TM9SF4: variants seen among roughly 807,000 people sequenced by gnomAD.
The protein encoded by TM9SF4 is transmembrane 9 superfamily member 4, also known as dinucleotide oxidase disulfide thiol exchanger 3 superfamily member 4.
Under a neutral mutation model 90.4 loss-of-function variants are expected in TM9SF4, and 26 were observed. The observed-to-expected ratio is 0.29, with a 90% CI of 0.21 to 0.40. The LOEUF is 0.40. Among genes scored for constraint, TM9SF4 ranks in the 10% least tolerant of loss-of-function variants. TM9SF4 has a pLI of 1.00. For missense variants in TM9SF4, 549 were observed against 834.8 expected, an observed-to-expected ratio of 0.66 and a Z score of 4.22; for synonymous variants, 293 against 315.4, an observed-to-expected ratio of 0.93 and a Z score of 0.75.
In TM9SF4 at chr20:32,141,595, C is replaced by G; in HGVS notation, c.328C>G (p.Pro110Ala). The G allele has an allele frequency of 6.2e-7, 1 of 1,614,166 alleles. No individual in the cohort carries two copies. The highest frequency in any genetic ancestry group is 8.5e-7 in the Non-Finnish European group (1 of 1,180,028). Residue 110 changes from proline to alanine, a missense_variant, in exon 4 of 18, where the codon CCA becomes GCA. Transcript: ENST00000398022. ...CEVLCSQSNKPVTLTVEQSRL... is the reference protein window; with the variant it reads ...CEVLCSQSNKAVTLTVEQSRL... ...AGTTCTGTGCAGCCAGTCCAACAAG[C>G]CAGTGACCCTGACAGTGGAGCAGAG... is the stretch of plus-strand genomic sequence containing the variant.
chr20:32,114,011 A>G (rs1057237480), intron 1 of TM9SF4, among the ~76,000 whole-genome samples: 2 of 152,232 alleles, frequency 1.3e-5, no homozygotes, highest in Non-Finnish European at 2.9e-5. Flanking sequence ...TTATGGCTGA[A>G]TCTTCCCTTG....
intron 3 of TM9SF4, among the ~76,000 whole-genome samples, chr20:32,139,384 C>A (rs1381446159): frequency 2.0e-5 from 3 of 152,226 alleles, no homozygotes; most frequent in African/African-American, 4.8e-5. Context: ...ACCTCAGAGT[C>A]TTCCTAATAT....
chr20:32,163,811 A>C (rs2047062603), intron 17 of TM9SF4, among the ~76,000 whole-genome samples: 1 of 151,790 alleles, frequency 6.6e-6, no homozygotes, highest in Admixed American at 6.6e-5. Flanking sequence ...GGGTTTCTCC[A>C]TGTTGGCCAG....
At chr20:32,156,796 A>G (rs2046928689) in intron 13 of TM9SF4, among the ~76,000 whole-genome samples, 1 of 152,004 alleles carries the variant, frequency 6.6e-6, no homozygotes, top group Non-Finnish European at 1.5e-5. Context: ...TTGTAGAGAT[A>G]CAGTCTCACT....
chr20:32,124,157 C>G (rs1251131431), intron 1 of TM9SF4, among the ~76,000 whole-genome samples: 1 of 152,082 alleles, frequency 6.6e-6, no homozygotes, highest in Non-Finnish European at 1.5e-5. Context: ...CATGCCTGGC[C>G]TGGGTAGGTC....
intron 1 of TM9SF4, among the ~76,000 whole-genome samples, chr20:32,131,267 A>G (rs1321129906): frequency 6.6e-6 from 1 of 152,226 alleles, no homozygotes. Context: ...ATCGGAGGAA[A>G]AACTCCATGA....
chr20:32,133,160 G>A (rs1156738385), intron 2 of TM9SF4, 34 bp downstream of exon 2: 1 of 1,599,976 alleles, frequency 6.3e-7, no homozygotes, highest in Admixed American at 1.7e-5. Context: ...GAGCCTCTGT[G>A]CTAGGCAGTG....
chr20:32,114,797 G>A (rs1265457009), intron 1 of TM9SF4, among the ~76,000 whole-genome samples: 2 of 152,198 alleles, frequency 1.3e-5, no homozygotes, highest in African/African-American at 2.4e-5. Context: ...AAGAAGGAAC[G>A]CTGGAGCAGG....
chr20:32,123,866 A>ATATATATATATTGTTTTTTTT, intron 1 of TM9SF4, among the ~76,000 whole-genome samples: 1 of 93,980 alleles, frequency 1.1e-5, no homozygotes, highest in African/African-American at 4.6e-5. Context: ...ATATATATAT[A>ATATATATATATTGTTTTTTTT]TTTTTTTTTT....
intron 1 of TM9SF4, among the ~76,000 whole-genome samples, chr20:32,118,190 A>G (rs1239091497): frequency 2.0e-5 from 3 of 152,020 alleles, no homozygotes; most frequent in African/African-American, 7.2e-5. Flanking sequence ...GTATTGGAAT[A>G]TTTTTTCCGA....
chr20:32,126,068 A>AACACACACACACACACAC (rs71185382), intron 1 of TM9SF4, among the ~76,000 whole-genome samples: 68 of 138,676 alleles, frequency 4.9e-4, no homozygotes, highest in Admixed American at 9.3e-4. Flanking sequence ...CTTTCCCGTA[A>AACACACACACACACACAC]ACACACACAC....
At chr20:32,147,808 G>A (rs1025368078) in intron 9 of TM9SF4, among the ~76,000 whole-genome samples, 3 of 149,744 alleles carry the variant, frequency 2.0e-5, no homozygotes, top group South Asian at 4.2e-4. Context: ...AGCCAAGAAC[G>A]TGCCACTGCA....
chr20:32,123,347 T>C (rs1004794233), intron 1 of TM9SF4, among the ~76,000 whole-genome samples: 1 of 151,690 alleles, frequency 6.6e-6, no homozygotes, highest in Non-Finnish European at 1.5e-5. Flanking sequence ...ACTGTACCAG[T>C]TTACCTACAT....
At chr20:32,136,859 T>C (rs1447445883) in intron 3 of TM9SF4, 9 of 471,096 alleles carry the variant, frequency 1.9e-5, no homozygotes, top group South Asian at 4.6e-5. Context: ...TAAGAGACTT[T>C]CTTTTCTTAC....
In TM9SF4 at chr20:32,149,614, ACT is replaced by A; in HGVS notation, c.955-17_955-16del. 1 of 1,614,080 alleles carries A rather than the reference ACT, an allele frequency of 6.2e-7. No individual in the cohort carries two copies. Among genetic ancestry groups the A allele is most frequent in the Non-Finnish European group, 8.5e-7 (1 of 1,180,004 alleles). The stretch of plus-strand genomic sequence containing the variant: ...GCCTCCATCTTCAACAACCAGCCTC[ACT>A]CTGGCCCTTCGCTGCAGGAAGACAC... On this transcript the variant is annotated intron_variant, in intron 9 of 17. Coordinates refer to ENST00000398022, the MANE Select transcript of TM9SF4 (RefSeq NM_014742.4).
intron 1 of TM9SF4, among the ~76,000 whole-genome samples, chr20:32,123,184 A>C (rs1449892621): frequency 6.1e-4 from 1 of 1,640 alleles, no homozygotes; most frequent in African/African-American, 1.5e-3. Flanking sequence ...GGAGGGGGGG[A>C]GGGGGAGAGG....
At chr20:32,119,787 G>T (rs991711178) in intron 1 of TM9SF4, among the ~76,000 whole-genome samples, 1 of 151,840 alleles carries the variant, frequency 6.6e-6, no homozygotes, top group Admixed American at 6.6e-5. Flanking sequence ...CCGTATAGAG[G>T]TTTTTGAGTT....
chr20:32,123,190 A>AGGGGGGGG (rs2046356430), intron 1 of TM9SF4, among the ~76,000 whole-genome samples: 1 of 1,092 alleles, frequency 9.2e-4, no homozygotes, highest in Non-Finnish European at 2.0e-3. Context: ...GGGGAGGGGG[A>AGGGGGGGG]GAGGGGGAGG....
intron 8 of TM9SF4, among the ~76,000 whole-genome samples, 160 bp downstream of exon 8, chr20:32,145,583 C>T (rs1271615499): frequency 2.6e-5 from 4 of 152,114 alleles, no homozygotes; most frequent in African/African-American, 9.7e-5. Flanking sequence ...CATAGGTAAA[C>T]AAGACTCATC....
Sources: allele counts gnomAD v4.1 joint callset (sites outside exome capture counted in the v4.1 genomes callset), GRCh38; gene constraint gnomAD v4.1.1; transcripts MANE v1.5; gene names NCBI Gene and HGNC (gene_info 2026-07-23, HGNC 2026-07-21).